INO80: variants seen among roughly 807,000 people sequenced by gnomAD.
INO80 encodes chromatin-remodeling ATPase INO80.
INO80 carries 20 observed loss-of-function variants against 203.4 expected under a neutral mutation model. That is an observed-to-expected ratio of 0.10 (90% confidence interval 0.07 to 0.14). INO80 has a LOEUF of 0.14. INO80 is among the 10% of genes least tolerant of loss of function. INO80 has a pLI of 1.00. For synonymous variants in INO80, 726 were observed against 685.2 expected (o/e 1.06, Z -0.93); for missense variants, 1,419 against 1,914.4 (o/e 0.74, Z 4.83).
In INO80 at chr15:41,071,858, T is replaced by A. The variant is rs773643363; in HGVS notation, c.1596A>T (p.Leu532=). 1 of 1,613,142 alleles carries A rather than the reference T, an allele frequency of 6.2e-7. No individual in the cohort carries two copies. Among genetic ancestry groups the A allele is most frequent in the South Asian group, 1.1e-5 (1 of 91,060 alleles). The stretch of plus-strand genomic sequence containing the variant: ...CGGTTCTAAAATTCACCTGTTCATA[T>A]AGATTGGCCAACCAATTCATGCCTT... ...QLKGMNWLAN[L]YEQGINGILA... The change falls in exon 12 of 36, where the codon CTA becomes CTT. Residue 532 remains leucine, a synonymous_variant. Transcript: ENST00000648947.
intron 14 of INO80, 87 bp downstream of exon 14, chr15:41,069,483 G>A (rs1408722248): frequency 1.3e-6 from 1 of 779,222 alleles, no homozygotes; most frequent in Non-Finnish European, 2.1e-6. Flanking sequence ...ATTTAAAACT[G>A]TTATGAGTAA....
At chr15:41,062,221 T>C (rs570901449) in intron 14 of INO80, among the ~76,000 whole-genome samples, 10 of 152,320 alleles carry the variant, frequency 6.6e-5, no homozygotes, top group African/African-American at 2.4e-4. Flanking sequence ...GAAGTCTTTA[T>C]ATTATCCAGA....
chr15:40,983,273 A>G, intron 34 of INO80, 196 bp from the exon 35 acceptor site: 1 of 575,924 alleles, frequency 1.7e-6, no homozygotes, highest in Non-Finnish European at 3.1e-6. Context: ...TAAACAATGA[A>G]AACATCCTAA....
intron 14 of INO80, among the ~76,000 whole-genome samples, chr15:41,061,222 T>G (rs946541497): frequency 6.6e-6 from 1 of 152,070 alleles, no homozygotes; most frequent in Non-Finnish European, 1.5e-5. Context: ...CAGAATTGCT[T>G]GAGCCTGGGA....
intron 17 of INO80, among the ~76,000 whole-genome samples, chr15:41,056,145 C>G (rs1319289403): frequency 6.6e-6 from 1 of 151,588 alleles, no homozygotes; most frequent in Non-Finnish European, 1.5e-5. Context: ...CGGGTTTCAC[C>G]ACGTTGCCCA....
At chr15:41,005,435 G>A (rs1191331696) in intron 28 of INO80, 158 bp downstream of exon 28, 3 of 565,096 alleles carry the variant, frequency 5.3e-6, no homozygotes, top group Non-Finnish European at 9.4e-6. Context: ...TCTGAATTAT[G>A]ATAAGCAGAT....
intron 14 of INO80, among the ~76,000 whole-genome samples, chr15:41,060,557 G>GA (rs79579916): frequency 2.5e-3 from 341 of 135,204 alleles, no homozygotes; most frequent in Non-Finnish European, 3.1e-3. Flanking sequence ...TTTGTCTCAG[G>GA]AAAAAAAAAA....
At position 41,034,084 on chromosome 15, in the gene INO80, A is replaced by C. The variant is rs550916418; in HGVS notation, c.2908-6348T>G. Among the ~76,000 whole-genome samples, 160 of 152,080 alleles carry C rather than the reference A, an allele frequency of 1.1e-3. 1 individual carries two copies. Among genetic ancestry groups the C allele is most frequent in the African/African-American group, 3.8e-3 (156 of 41,464 alleles). ...CTCAAAAAACAAACAAAAAAACCCA[A>C]AACTTTATCCAAAACACCTCTAAGT... is the stretch of plus-strand genomic sequence containing the variant. On this transcript the variant is annotated intron_variant, in intron 24 of 35. Transcript: ENST00000648947.
intron 29 of INO80, among the ~76,000 whole-genome samples, chr15:40,992,838 G>A (rs182321877): frequency 2.0e-5 from 3 of 152,288 alleles, no homozygotes; most frequent in Non-Finnish European, 2.9e-5. Flanking sequence ...TGTTGCCCAT[G>A]TTGGAGTGCA....
At chr15:41,058,447 A>G (rs947524741) in intron 16 of INO80, among the ~76,000 whole-genome samples, 192 bp downstream of exon 16, 1 of 152,118 alleles carries the variant, frequency 6.6e-6, no homozygotes, top group African/African-American at 2.4e-5. Flanking sequence ...GATCGCTTGA[A>G]GCCAGGAGTT....
At chr15:40,997,703 T>A in intron 28 of INO80, 102 bp from the exon 29 acceptor site, 1 of 764,768 alleles carries the variant, frequency 1.3e-6, no homozygotes, top group Non-Finnish European at 2.3e-6. Context: ...AGTCTAGGAC[T>A]AAAAAGAGTT....
intron 25 of INO80, among the ~76,000 whole-genome samples, chr15:41,024,241 A>G (rs2044341617): frequency 1.3e-5 from 2 of 152,164 alleles, no homozygotes; most frequent in South Asian, 2.1e-4. Flanking sequence ...AGATATTAAT[A>G]TATTCAGAAT....
Position 41,116,077 on chromosome 15 carries a change from GCTCT to G in INO80, c.-152_-149del, listed in dbSNP as rs1192640496. 1.0e-5 allele frequency: 4 copies of G among 396,488 alleles called. No individual in the cohort carries two copies. The highest frequency in any genetic ancestry group is 4.4e-5 in the Admixed American group (1 of 22,646). 24.6% of individuals were successfully genotyped at this position (396,488 alleles called of 1,614,324 possible). A position where few individuals can be genotyped will look rare whatever the true frequency, so the allele number is the denominator to read the frequency against. On this transcript the variant is annotated 5_prime_UTR_variant, in exon 1 of 36. The change abolishes the stop of an existing upstream ORF in the 5' untranslated region. Coordinates refer to ENST00000648947, the MANE Select transcript of INO80 (RefSeq NM_017553.3). Reference sequence around the variant, plus strand: ...CCCGCCGACGGTGGAGCCGCGGTTCGCTCTCTGAGGCCGTGGGACGGTGACTGCG... The same window carrying G: ...CCCGCCGACGGTGGAGCCGCGGTTCGCTGAGGCCGTGGGACGGTGACTGCG...
At chr15:41,106,256 C>T (rs2045879035) in intron 1 of INO80, among the ~76,000 whole-genome samples, 1 of 151,878 alleles carries the variant, frequency 6.6e-6, no homozygotes, top group African/African-American at 2.4e-5. Context: ...TGGTGGCGAG[C>T]ACCTATAGTC....
chr15:41,007,776 A>AAAC (rs1566908469), intron 27 of INO80, among the ~76,000 whole-genome samples: 1 of 151,680 alleles, frequency 6.6e-6, no homozygotes, highest in African/African-American at 2.4e-5. Flanking sequence ...AAAAAAAAAA[A>AAAC]AAACAAGAAA....
chr15:41,063,107 T>TA (rs2045142494), intron 14 of INO80, among the ~76,000 whole-genome samples: 1 of 151,234 alleles, frequency 6.6e-6, no homozygotes, highest in Non-Finnish European at 1.5e-5. Flanking sequence ...GAAGCTAAGG[T>TA]GGGCAGATTA....
intron 24 of INO80, among the ~76,000 whole-genome samples, chr15:41,038,306 G>A (rs533248317): frequency 2.6e-5 from 4 of 151,788 alleles, no homozygotes; most frequent in Non-Finnish European, 5.9e-5. Flanking sequence ...TACTGCACCC[G>A]ACATCTTCCC....
intron 17 of INO80, 93 bp downstream of exon 17, chr15:41,056,529 A>C: frequency 2.1e-6 from 2 of 957,640 alleles, no homozygotes; most frequent in Admixed American, 4.1e-5. Context: ...ACAAAGCAGT[A>C]GCACTGCAAG....
chr15:41,116,012 G>A lies in INO80; in HGVS notation c.-83C>T, dbSNP rs1012520581. 10 of 391,160 alleles carry A rather than the reference G, an allele frequency of 2.6e-5. No homozygotes were observed. Among genetic ancestry groups the A allele is most frequent in the African/African-American group, 4.2e-5 (2 of 48,176 alleles). The allele number at this position is 391,160 out of a possible 1,614,324, so 24.2% of individuals were successfully genotyped here. A position where few individuals can be genotyped will look rare whatever the true frequency, so the allele number is the denominator to read the frequency against. On this transcript the variant is annotated 5_prime_UTR_variant, in exon 1 of 36. Transcript: ENST00000648947. ...CCCCGCCGCCGCGACGGCGGCGGAG[G>A]GGGGGCGGGGTGCGGGCGGGGTCCG...
Sources: gnomAD v4.1 joint callset for allele counts (sites outside exome capture counted in the v4.1 genomes callset) on GRCh38, gnomAD v4.1.1 for gene constraint, MANE v1.5 for transcripts, NCBI Gene and HGNC (gene_info 2026-07-23, HGNC 2026-07-21) for gene names.